Variants in CASP2 observed in about 807,000 individuals in gnomAD.
The protein encoded by CASP2 is caspase 2.
Under a neutral mutation model 54.4 loss-of-function variants are expected in CASP2, and 38 were observed. That is an observed-to-expected ratio of 0.70 (90% CI 0.54 to 0.92). The LOEUF (loss-of-function observed/expected upper bound fraction) is 0.92. Ranked by LOEUF, CASP2 falls within the 40% of genes least tolerant of loss-of-function variation. The pLI is 0.00. For synonymous variants in CASP2, 215 were observed against 216.3 expected (o/e 0.99, Z 0.05); for missense variants, 512 against 579.6 (o/e 0.88, Z 1.20).
At position 143,304,810 on chromosome 7, in the gene CASP2, G is replaced by C. The variant is rs956197475; in HGVS notation, c.1227+27G>C. The C allele has an allele frequency of 4.4e-6, 7 of 1,606,790 alleles. No homozygotes were observed. In the African/African-American group the frequency reaches 8.0e-5, roughly 18 times the overall value. The stretch of plus-strand genomic sequence containing the variant: ...TGAGCCAGCGGGCTCCGTGACCCCT[G>C]TGTGTCTCCACAGTGCTCTACTTTC... On this transcript the variant is annotated intron_variant, in intron 10 of 10. Coordinates refer to ENST00000310447, the MANE Select transcript of CASP2 (RefSeq NM_032982.4).
rs1430050390 is a variant in CASP2 at position 143,305,450 on chromosome 7, A to G, written c.*379A>G. On this transcript the variant is annotated 3_prime_UTR_variant, in exon 11 of 11. Coordinates refer to ENST00000310447, the MANE Select transcript of CASP2 (RefSeq NM_032982.4). ...CTTTAGTGATTGCTTTTATTACATT[A>G]GTTAAGATGTCTGAGAGACCATCTC... 5.8e-6 allele frequency: 2 copies of G among 342,250 alleles called. No individual in the cohort carries two copies. Among genetic ancestry groups the G allele is most frequent in the East Asian group, 1.4e-4 (2 of 13,886 alleles). 21.2% of individuals were successfully genotyped at this position (342,250 alleles called of 1,614,324 possible).
intron 6 of CASP2, among the ~76,000 whole-genome samples, chr7:143,297,997 T>G (rs1183718255): frequency 1.3e-5 from 2 of 152,264 alleles, no homozygotes; most frequent in Admixed American, 6.5e-5. Context: ...TTCAAATATT[T>G]TATGTAATTG....
chr7:143,304,888 C>A (rs548318795), intron 10 of CASP2, 52 bp from the exon 11 acceptor site: 12 of 1,613,864 alleles, frequency 7.4e-6, no homozygotes, highest in Non-Finnish European at 1.0e-5. Context: ...GTTTGCTGCT[C>A]TCCTGAAGCC....
chr7:143,303,536 C>T (rs1051893871), intron 8 of CASP2: 6 of 433,070 alleles, frequency 1.4e-5, no homozygotes, highest in East Asian at 4.6e-5. Flanking sequence ...CTGCTCCAAC[C>T]GCATAGATGT....
chr7:143,300,826 C>G (rs1234202161), intron 8 of CASP2: 1 of 1,142,772 alleles, frequency 8.8e-7, no homozygotes, highest in Non-Finnish European at 1.1e-6. Flanking sequence ...GCCTTTGACT[C>G]TTCCTTTTCC....
chr7:143,294,144 G>T (rs1586457520), intron 4 of CASP2, 86 bp from the exon 5 acceptor site: 2 of 815,608 alleles, frequency 2.5e-6, no homozygotes, highest in East Asian at 2.4e-5. Flanking sequence ...CAACCCAGTT[G>T]CAAGAGATGT....
intron 2 of CASP2, 66 bp from the exon 3 acceptor site, chr7:143,292,234 A>G: frequency 5.9e-6 from 9 of 1,527,272 alleles, no homozygotes; most frequent in Non-Finnish European, 8.1e-6. Context: ...TAGGAAGCTC[A>G]TGTGGAGAAA....
intron 6 of CASP2, among the ~76,000 whole-genome samples, chr7:143,296,515 G>C (rs1321671157): frequency 6.6e-6 from 1 of 152,230 alleles, no homozygotes; most frequent in East Asian, 1.9e-4. Context: ...GGCCTTGAAG[G>C]ATAGAAGTTA....
chr7:143,304,468 A>G (rs566719325), intron 9 of CASP2, among the ~76,000 whole-genome samples: 5 of 152,340 alleles, frequency 3.3e-5, no homozygotes, highest in African/African-American at 1.2e-4. Flanking sequence ...CTTTATTGCC[A>G]TATTCACTTT....
intron 8 of CASP2, 153 bp from the exon 9 acceptor site, chr7:143,303,631 T>C: frequency 3.3e-6 from 2 of 615,210 alleles, no homozygotes; most frequent in Non-Finnish European, 5.6e-6. Flanking sequence ...ATTTTTTTTT[T>C]TTTTTTTTAG....
chr7:143,297,737 G>A (rs1277111990), intron 6 of CASP2, among the ~76,000 whole-genome samples: 10 of 152,120 alleles, frequency 6.6e-5, no homozygotes, highest in Admixed American at 4.6e-4. Context: ...GTGAGCCACC[G>A]CGCCCGGCCT....
chr7:143,299,824 TTATCTTCTAA>T, intron 6 of CASP2, 89 bp from the exon 7 acceptor site: 2 of 1,379,084 alleles, frequency 1.5e-6, no homozygotes, highest in Admixed American at 3.4e-5. Flanking sequence ...ATAAAGCGTT[TTATCTTCTAA>T]TAGCTTAGGG....
At chr7:143,299,625 A>G (rs1025830120) in intron 6 of CASP2, among the ~76,000 whole-genome samples, 1 of 152,208 alleles carries the variant, frequency 6.6e-6, no homozygotes, top group Non-Finnish European at 1.5e-5. Flanking sequence ...AATTAATCAG[A>G]GTTGACCAGC....
At position 143,305,313 on chromosome 7, in the gene CASP2, T is replaced by C; in HGVS notation, c.*242T>C. 1.7e-6 allele frequency: 1 copy of C among 587,144 alleles called. No homozygotes were observed. 36.4% of individuals were successfully genotyped at this position (587,144 alleles called of 1,614,324 possible). On this transcript the variant is annotated 3_prime_UTR_variant, in exon 11 of 11. Coordinates refer to ENST00000310447, the MANE Select transcript of CASP2 (RefSeq NM_032982.4). ...GGTTGGACCTATTGCCAGGAATGTTTCAGCTGCAGTTGAAGAGCCTGACAA... is the reference window on the plus strand; with the variant it reads ...GGTTGGACCTATTGCCAGGAATGTTCCAGCTGCAGTTGAAGAGCCTGACAA...
Position 143,305,193 on chromosome 7 carries a change from A to C in CASP2, c.*122A>C. 1 of 1,293,876 alleles carries C rather than the reference A, an allele frequency of 7.7e-7. No individual in the cohort carries two copies. The allele number at this position is 1,293,876 out of a possible 1,614,324, so 80.1% of individuals were successfully genotyped here. On this transcript the variant is annotated 3_prime_UTR_variant, in exon 11 of 11. Coordinates refer to ENST00000310447, the MANE Select transcript of CASP2 (RefSeq NM_032982.4). The stretch of plus-strand genomic sequence containing the variant: ...CCCCTCAGGGATGTGGGAATCTCCC[A>C]GACTTGTTTCCTGTGCCCATCATCT...
intron 9 of CASP2, 25 bp downstream of exon 9, chr7:143,303,958 A>C: frequency 6.4e-7 from 1 of 1,560,392 alleles, no homozygotes. Flanking sequence ...AAAAGAGTTG[A>C]GTCATACCTC....
At chr7:143,294,521 T>C (rs1438253452) in intron 5 of CASP2, 76 bp from the exon 6 acceptor site, 2 of 1,402,586 alleles carry the variant, frequency 1.4e-6, no homozygotes, top group Admixed American at 3.3e-5. Context: ...GTCTTTGTTT[T>C]CTTGAAATGT....
At chr7:143,289,744 A>G (rs1169503700) in intron 1 of CASP2, 2 of 317,962 alleles carry the variant, frequency 6.3e-6, no homozygotes, top group Non-Finnish European at 9.1e-6. Flanking sequence ...AGGTTTTTTT[A>G]TTTGTATAGC....
intron 4 of CASP2, 38 bp downstream of exon 4, chr7:143,292,736 T>G (rs778851526): frequency 4.7e-5 from 73 of 1,540,806 alleles, no homozygotes; most frequent in Non-Finnish European, 6.4e-5. Context: ...CCAGGCCAGG[T>G]GCCACGGCTT....
Sources: allele counts gnomAD v4.1 joint callset (sites outside exome capture counted in the v4.1 genomes callset), GRCh38; gene constraint gnomAD v4.1.1; transcripts MANE v1.5; gene names NCBI Gene and HGNC (gene_info 2026-07-23, HGNC 2026-07-21).